The following CLOCK variants were observed in gnomAD, a reference collection of about 807,000 sequenced individuals.
CLOCK encodes the protein clock circadian regulator, also known as circadian locomoter output cycles protein kaput.
Under a neutral mutation model 118.4 loss-of-function variants are expected in CLOCK, and 43 were observed. The ratio of observed to expected loss-of-function variants is 0.36; its 90% confidence interval spans 0.28 to 0.47. The LOEUF is 0.47. CLOCK is among the 20% of genes least tolerant of loss of function. The pLI is 1.00. For missense variants in CLOCK, 846 were observed against 999.9 expected, an observed-to-expected ratio of 0.85 and a Z score of 2.08; for synonymous variants, 326 against 339.2, an observed-to-expected ratio of 0.96 and a Z score of 0.43.
chr4:55,499,192 T>C (rs971195923), intron 2 of CLOCK, among the ~76,000 whole-genome samples: 6 of 152,120 alleles, frequency 3.9e-5, no homozygotes, highest in African/African-American at 1.4e-4. Context: ...ATGTTCTTTT[T>C]CCTTTAAAAA....
At chr4:55,470,156 T>A (rs1726030701) in intron 8 of CLOCK, among the ~76,000 whole-genome samples, 1 of 152,208 alleles carries the variant, frequency 6.6e-6, no homozygotes, top group African/African-American at 2.4e-5. Flanking sequence ...GTCCTTCACA[T>A]TCACTTATCA....
intron 3 of CLOCK, among the ~76,000 whole-genome samples, chr4:55,485,243 G>A (rs1727221463): frequency 6.6e-6 from 1 of 152,146 alleles, no homozygotes; most frequent in Admixed American, 6.5e-5. Context: ...GGGATTACAG[G>A]TGTGAGCCAC....
chr4:55,496,379 A>C (rs1403685663), intron 2 of CLOCK, among the ~76,000 whole-genome samples: 2 of 152,166 alleles, frequency 1.3e-5, no homozygotes, highest in African/African-American at 4.8e-5. Flanking sequence ...CGGGAAGACT[A>C]AACATAGTGA....
intron 1 of CLOCK, among the ~76,000 whole-genome samples, chr4:55,530,592 T>A (rs1323551987): frequency 1.3e-5 from 2 of 151,758 alleles, no homozygotes; most frequent in Non-Finnish European, 2.9e-5. Flanking sequence ...CTGGCTAACA[T>A]GGTGAAACCC....
intron 13 of CLOCK, among the ~76,000 whole-genome samples, chr4:55,454,442 C>T (rs527430068): frequency 1.4e-4 from 21 of 151,744 alleles, no homozygotes; most frequent in African/African-American, 4.6e-4. Flanking sequence ...TAGTGAAACC[C>T]CATCTCTACT....
intron 6 of CLOCK, among the ~76,000 whole-genome samples, chr4:55,477,548 A>G (rs1471444127): frequency 6.6e-6 from 1 of 152,146 alleles, no homozygotes; most frequent in African/African-American, 2.4e-5. Flanking sequence ...AAATGAAAAA[A>G]GGCAAGTTAA....
At chr4:55,488,852 C>A (rs996807931) in intron 3 of CLOCK, among the ~76,000 whole-genome samples, 1 of 152,152 alleles carries the variant, frequency 6.6e-6, no homozygotes, top group Non-Finnish European at 1.5e-5. Flanking sequence ...CCTGCCTCAG[C>A]CTCCCAAGTA....
At chr4:55,472,862 G>A (rs1167486699) in intron 7 of CLOCK, among the ~76,000 whole-genome samples, 4 of 151,888 alleles carry the variant, frequency 2.6e-5, no homozygotes, top group African/African-American at 9.7e-5. Flanking sequence ...CTTGTCATTC[G>A]AGCAAACTCA....
At chr4:55,451,821 G>A (rs559792197) in intron 15 of CLOCK, among the ~76,000 whole-genome samples, 71 of 152,140 alleles carry the variant, frequency 4.7e-4, no homozygotes, top group African/African-American at 1.6e-3. Flanking sequence ...AAACCTCTTT[G>A]GAAAAGTTCT....
chr4:55,520,461 T>A (rs560512341), intron 1 of CLOCK, among the ~76,000 whole-genome samples: 3 of 152,296 alleles, frequency 2.0e-5, no homozygotes, highest in African/African-American at 7.2e-5. Flanking sequence ...AAAAATGGCA[T>A]TATGAGGATC....
At chr4:55,464,563 G>A (rs1341361600) in intron 8 of CLOCK, among the ~76,000 whole-genome samples, 1 of 152,212 alleles carries the variant, frequency 6.6e-6, no homozygotes, top group Non-Finnish European at 1.5e-5. Context: ...TAGGGATGCT[G>A]AGACAGTATC....
chr4:55,470,515 C>T (rs1726058826), intron 8 of CLOCK, among the ~76,000 whole-genome samples: 2 of 151,452 alleles, frequency 1.3e-5, no homozygotes, highest in African/African-American at 4.9e-5. Flanking sequence ...TGATGCATAA[C>T]TATAGTTGAA....
At chr4:55,462,586 A>C (rs1725421504) in intron 9 of CLOCK, among the ~76,000 whole-genome samples, 1 of 152,056 alleles carries the variant, frequency 6.6e-6, no homozygotes, top group South Asian at 2.1e-4. Flanking sequence ...GCTGGCTTCC[A>C]CCTTTCTAAT....
intron 2 of CLOCK, among the ~76,000 whole-genome samples, chr4:55,507,074 G>A (rs1040762302): frequency 2.0e-5 from 3 of 152,126 alleles, no homozygotes; most frequent in Admixed American, 1.3e-4. Context: ...AGCACTTTGG[G>A]AGGCTGAGGC....
chr4:55,470,688 G>GAAGTAGATT, intron 8 of CLOCK, 29 bp downstream of exon 8: 1 of 1,436,448 alleles, frequency 7.0e-7, no homozygotes, highest in Non-Finnish European at 9.8e-7. Flanking sequence ...ATTTTAATAC[G>GAAGTAGATT]AAGTAGATTG....
At chr4:55,475,856 T>C in intron 7 of CLOCK, 107 bp downstream of exon 7, 1 of 733,208 alleles carries the variant, frequency 1.4e-6, no homozygotes. Context: ...ATTGCAGTGG[T>C]CTGGAACTCA....
chr4:55,439,321 T>C (rs927624134), intron 21 of CLOCK, among the ~76,000 whole-genome samples: 8 of 152,166 alleles, frequency 5.3e-5, no homozygotes, highest in Non-Finnish European at 1.2e-4. Flanking sequence ...GAGGCTACTT[T>C]ATACCCATCA....
intron 8 of CLOCK, among the ~76,000 whole-genome samples, chr4:55,469,551 G>A (rs571990973): frequency 6.6e-6 from 1 of 152,306 alleles, no homozygotes; most frequent in East Asian, 1.9e-4. Flanking sequence ...GGAGGACAGT[G>A]ATGTTGATGA....
intron 2 of CLOCK, among the ~76,000 whole-genome samples, chr4:55,494,570 G>A (rs1727929734): frequency 6.6e-6 from 1 of 152,086 alleles, no homozygotes; most frequent in South Asian, 2.1e-4. Flanking sequence ...CGGGGAGAAG[G>A]GAAGGATAGG....
Sources: allele counts gnomAD v4.1 joint callset (sites outside exome capture counted in the v4.1 genomes callset), GRCh38; gene constraint gnomAD v4.1.1; transcripts MANE v1.5; gene names NCBI Gene and HGNC (gene_info 2026-07-23, HGNC 2026-07-21).